The following GPATCH2 variants were observed in gnomAD, a reference collection of about 807,000 sequenced individuals.
The protein encoded by GPATCH2 is G patch domain-containing protein 2.
In GPATCH2, 51 loss-of-function variants were observed where a neutral mutation model predicts 58.0. That is an observed-to-expected ratio of 0.88 (90% CI 0.70 to 1.11). The LOEUF (loss-of-function observed/expected upper bound fraction) is 1.11. GPATCH2 is among the 50% of genes most tolerant of loss of function. The pLI is 0.00. For missense variants in GPATCH2, 625 were observed against 652.2 expected, an observed-to-expected ratio of 0.96 and a Z score of 0.45; for synonymous variants, 222 against 218.5, an observed-to-expected ratio of 1.02 and a Z score of -0.14.
chr1:217,556,641 T>TA (rs1478089981), intron 5 of GPATCH2, among the ~76,000 whole-genome samples: 1 of 152,244 alleles, frequency 6.6e-6, no homozygotes, highest in Non-Finnish European at 1.5e-5. Context: ...CATCCAGTTT[T>TA]ATACTATTAC....
In GPATCH2 at chr1:217,610,065, T is replaced by C. The variant is rs1389755840; in HGVS notation, c.1098+256A>G. The C allele has an allele frequency of 2.0e-6, 3 of 1,487,868 alleles. No individual in the cohort carries two copies. The South Asian group carries it at 4.2e-5, about 21-fold the overall frequency. The allele number at this position is 1,487,868 out of a possible 1,614,324, so 92.2% of individuals were successfully genotyped here. A position where few individuals can be genotyped will look rare whatever the true frequency, so the allele number is the denominator to read the frequency against. ...CAAAGAGGCTCTCACTTCAATGATA[T>C]TCCTCCAGGGAAGAGGACAGGAGCC... On this transcript the variant is annotated intron_variant, in intron 5 of 9. Transcript: ENST00000366935.
At chr1:217,467,243 T>C (rs1253719646) in intron 8 of GPATCH2, among the ~76,000 whole-genome samples, 1 of 152,198 alleles carries the variant, frequency 6.6e-6, no homozygotes, top group Non-Finnish European at 1.5e-5. Flanking sequence ...GCGAGACTTC[T>C]TTGAAAATAA....
At chr1:217,554,206 G>T (rs977309523) in intron 5 of GPATCH2, among the ~76,000 whole-genome samples, 6 of 152,148 alleles carry the variant, frequency 3.9e-5, no homozygotes, top group Non-Finnish European at 7.3e-5. Flanking sequence ...TGAGTTTATT[G>T]TTGTGCACAG....
intron 5 of GPATCH2, among the ~76,000 whole-genome samples, chr1:217,574,212 T>C (rs748836741): frequency 6.6e-6 from 1 of 152,208 alleles, no homozygotes; most frequent in Non-Finnish European, 1.5e-5. Context: ...TTTTGAAGGA[T>C]AGTGACACAA....
intron 8 of GPATCH2, among the ~76,000 whole-genome samples, chr1:217,469,632 T>G (rs1309445753): frequency 1.3e-5 from 2 of 152,090 alleles, no homozygotes; most frequent in Admixed American, 6.6e-5. Context: ...TAGCCAAATA[T>G]TTGATATTTG....
At position 217,620,290 on chromosome 1, in the gene GPATCH2, C is replaced by G. The variant is rs1669120912; in HGVS notation, c.266G>C (p.Ser89Thr). Residue 89 changes from serine (S) to threonine (T), a missense_variant, in exon 2 of 10, where the codon AGT becomes ACT. Ser to Thr is a moderately conservative substitution (Grantham distance 58). Coordinates refer to ENST00000366935, the MANE Select transcript of GPATCH2 (RefSeq NM_018040.5). Reference sequence around the variant, plus strand: ...TTCTAAACTAGAATCAGAGCCTTCACTTAAGCAGTGACCAGTCTCCCACGG... The same window carrying G: ...TTCTAAACTAGAATCAGAGCCTTCAGTTAAGCAGTGACCAGTCTCCCACGG... The part of the protein sequence containing the change: ...HHPWETGHCL[S>T]EGSDSSLEEP... The G allele has an allele frequency of 6.2e-7, 1 of 1,614,132 alleles. No individual in the cohort carries two copies.
intron 5 of GPATCH2, among the ~76,000 whole-genome samples, chr1:217,599,348 G>A (rs996483764): frequency 6.6e-6 from 1 of 152,148 alleles, no homozygotes; most frequent in Non-Finnish European, 1.5e-5. Context: ...AGACAGACCA[G>A]GGAGGAGGCT....
chr1:217,566,517 C>G (rs944902986), intron 5 of GPATCH2, among the ~76,000 whole-genome samples: 2 of 152,116 alleles, frequency 1.3e-5, no homozygotes, highest in African/African-American at 2.4e-5. Context: ...ATATACAGTT[C>G]ATACAAATCA....
At chr1:217,512,534 G>A (rs1558446558) in intron 6 of GPATCH2, among the ~76,000 whole-genome samples, 1 of 152,278 alleles carries the variant, frequency 6.6e-6, no homozygotes, top group South Asian at 2.1e-4. Flanking sequence ...TGCTGACAAA[G>A]ATTTCCTAAA....
intron 5 of GPATCH2, among the ~76,000 whole-genome samples, chr1:217,580,300 T>C (rs939914032): frequency 2.0e-5 from 3 of 152,058 alleles, no homozygotes; most frequent in African/African-American, 7.2e-5. Flanking sequence ...ACACAAAGGA[T>C]GAAACAAAGG....
At chr1:217,612,265 C>T (rs549493253) in intron 3 of GPATCH2, among the ~76,000 whole-genome samples, 2 of 152,172 alleles carry the variant, frequency 1.3e-5, no homozygotes, top group African/African-American at 4.8e-5. Flanking sequence ...TTAAAGTCTC[C>T]TTCCCTTGAT....
chr1:217,488,626 C>T (rs1421941993), intron 8 of GPATCH2, among the ~76,000 whole-genome samples: 1 of 151,978 alleles, frequency 6.6e-6, no homozygotes, highest in African/African-American at 2.4e-5. Flanking sequence ...GTAAGTCCAA[C>T]CTAATTAGTT....
At chr1:217,522,778 C>A (rs924277159) in intron 5 of GPATCH2, among the ~76,000 whole-genome samples, 7 of 149,928 alleles carry the variant, frequency 4.7e-5, no homozygotes, top group Admixed American at 6.6e-5. Context: ...CAATTCATAT[C>A]AAAGCAATTC....
At chr1:217,493,520 G>A (rs2102537097) in intron 7 of GPATCH2, among the ~76,000 whole-genome samples, 2 of 152,132 alleles carry the variant, frequency 1.3e-5, no homozygotes, top group Admixed American at 1.3e-4. Context: ...AATATTTGCT[G>A]AATGAATGGA....
intron 1 of GPATCH2, among the ~76,000 whole-genome samples, chr1:217,622,847 A>G (rs1669265985): frequency 6.6e-6 from 1 of 152,190 alleles, no homozygotes; most frequent in Non-Finnish European, 1.5e-5. Flanking sequence ...CAGCCCCACA[A>G]ATCAGGATTT....
intron 8 of GPATCH2, among the ~76,000 whole-genome samples, chr1:217,471,002 T>C (rs1445936780): frequency 2.0e-5 from 3 of 152,144 alleles, no homozygotes; most frequent in East Asian, 3.9e-4. Context: ...TAAAATCTAA[T>C]GCTAATTTTA....
At chr1:217,454,167 G>A (rs1396450915) in intron 8 of GPATCH2, among the ~76,000 whole-genome samples, 3 of 152,134 alleles carry the variant, frequency 2.0e-5, no homozygotes, top group Non-Finnish European at 2.9e-5. Flanking sequence ...ATGTCTCAAC[G>A]TATTAAACTG....
intron 1 of GPATCH2, among the ~76,000 whole-genome samples, chr1:217,627,645 A>G (rs1266427376): frequency 1.3e-5 from 2 of 152,086 alleles, no homozygotes; most frequent in African/African-American, 4.8e-5. Flanking sequence ...CTTTGTTACC[A>G]TAGGAACTTT....
chr1:217,598,104 C>T (rs1000068246), intron 5 of GPATCH2, among the ~76,000 whole-genome samples: 18 of 152,006 alleles, frequency 1.2e-4, no homozygotes, highest in Non-Finnish European at 2.5e-4. Context: ...AACATAGGGT[C>T]GGTGGGCGCA....
Sources: allele counts gnomAD v4.1 joint callset (sites outside exome capture counted in the v4.1 genomes callset), GRCh38; gene constraint gnomAD v4.1.1; transcripts MANE v1.5; gene names NCBI Gene and HGNC (gene_info 2026-07-23, HGNC 2026-07-21).